CPXM2: variants seen among roughly 807,000 people sequenced by gnomAD.
CPXM2 encodes the protein inactive carboxypeptidase-like protein X2.
CPXM2 carries 66 observed loss-of-function variants against 86.1 expected under a neutral mutation model. The ratio of observed to expected loss-of-function variants is 0.77; its 90% CI spans 0.63 to 0.94. CPXM2 has a LOEUF of 0.94. Among genes scored for constraint, CPXM2 ranks in the 40% least tolerant of loss-of-function variants. The pLI, the probability that CPXM2 is intolerant of heterozygous loss-of-function variation, is 0.00. For missense variants in CPXM2, 948 were observed against 1,026.3 expected, an observed-to-expected ratio of 0.92 and a Z score of 1.04; for synonymous variants, 388 against 400.2, an observed-to-expected ratio of 0.97 and a Z score of 0.36.
chr10:123,833,259 T>C (rs1848205989), intron 4 of CPXM2, among the ~76,000 whole-genome samples: 1 of 152,134 alleles, frequency 6.6e-6, no homozygotes, highest in Non-Finnish European at 1.5e-5. Context: ...GCATAGGAGG[T>C]AACACAGGCA....
rs1398980589 is a variant in CPXM2 at position 123,746,953 on chromosome 10, T to G, written c.2082A>C (p.Glu694Asp). The G allele has an allele frequency of 1.2e-6, 2 of 1,614,194 alleles. No individual in the cohort carries two copies. The highest frequency in any genetic ancestry group is 1.7e-6 in the Non-Finnish European group (2 of 1,180,026). ...PGEYVVTAKA[E>D]GFTASTKNCM... ...AGTTCTTGGTGGATGCAGTGAAACC[T>G]TCGGCCTTTGCTGTGACCACATACT... The change falls in exon 14 of 14, where the codon GAA (glutamate) becomes GAC (aspartate). Residue 694 changes from glutamate to aspartate, a missense_variant. Glu to Asp is a conservative substitution (Grantham distance 45). Coordinates refer to ENST00000241305, the MANE Select transcript of CPXM2 (RefSeq NM_198148.3).
intron 6 of CPXM2, among the ~76,000 whole-genome samples, chr10:123,791,753 T>C (rs990217403): frequency 6.6e-6 from 1 of 152,238 alleles, no homozygotes; most frequent in Admixed American, 6.5e-5. Flanking sequence ...TGATTGATTA[T>C]ATCTACAAGG....
intron 3 of CPXM2, among the ~76,000 whole-genome samples, chr10:123,846,176 A>C (rs1000184229): frequency 6.6e-6 from 1 of 152,316 alleles, no homozygotes; most frequent in Non-Finnish European, 1.5e-5. Context: ...TGTATTGTGC[A>C]CTTTATTTCT....
chr10:123,841,313 G>T (rs1003032633), intron 4 of CPXM2, among the ~76,000 whole-genome samples: 3 of 152,086 alleles, frequency 2.0e-5, no homozygotes, highest in Admixed American at 1.3e-4. Context: ...GAGCCGCCGC[G>T]GTCGACAGGG....
chr10:123,919,357 A>G lies in CPXM2; in HGVS notation n.174+20120T>C, dbSNP rs145262397. On this transcript the variant is annotated intron_variant and non_coding_transcript_variant, in intron 2 of 19. Transcript: ENST00000368854. ...AACAGTGCCCATAGCATGATAACAT[A>G]ATATTCAAAAATATCCAGGATACAA... Among the ~76,000 whole-genome samples, 17 of 152,366 alleles carry G rather than the reference A, an allele frequency of 1.1e-4. No homozygotes were observed. In the East Asian group the frequency reaches 3.3e-3, roughly 29 times the overall value.
At chr10:123,881,224 C>A (rs1226461039) in intron 1 of CPXM2, among the ~76,000 whole-genome samples, 5 of 55,070 alleles carry the variant, frequency 9.1e-5, no homozygotes, top group African/African-American at 6.2e-4. Context: ...TCTCCTGGAG[C>A]ACCCTTCTCT....
chr10:123,770,366 A>C (rs958080689), intron 8 of CPXM2, among the ~76,000 whole-genome samples: 1 of 152,236 alleles, frequency 6.6e-6, no homozygotes, highest in African/African-American at 2.4e-5. Flanking sequence ...TGTTAAAGTA[A>C]ATCAGCCAAA....
At position 123,901,429 on chromosome 10, in the gene CPXM2, T is replaced by TTGTGTGTGTGTGTGTGTG. The variant is rs3069582; in HGVS notation, n.175-21138_175-21121dup. On this transcript the variant is annotated intron_variant and non_coding_transcript_variant, in intron 2 of 19. Coordinates refer to the CPXM2 transcript ENST00000368854. ...TTGTTTTCCTTCCATCCAAGCAAGTTTGTGTGTGTGTGTGTGTGTGTGTGT... is the reference window on the plus strand; with the variant it reads ...TTGTTTTCCTTCCATCCAAGCAAGTTTGTGTGTGTGTGTGTGTGTGTGTGTGTGTGTGTGTGTGTGTGT... 3.1e-3 allele frequency among the ~76,000 whole-genome samples: 430 copies of TTGTGTGTGTGTGTGTGTG among 139,028 alleles called. 2 individuals carry two copies. The highest frequency in any genetic ancestry group is 4.7e-3 in the African/African-American group (169 of 36,046). The allele number at this position is 139,028 out of a possible 152,430, so 91.2% of individuals were successfully genotyped here.
intron 4 of CPXM2, among the ~76,000 whole-genome samples, chr10:123,809,056 T>C (rs1318711057): frequency 6.6e-6 from 1 of 152,182 alleles, no homozygotes; most frequent in African/African-American, 2.4e-5. Flanking sequence ...TACATCATCC[T>C]GCTCAGGACG....
intron 7 of CPXM2, among the ~76,000 whole-genome samples, chr10:123,775,874 T>G (rs1217103039): frequency 6.6e-6 from 1 of 152,228 alleles, no homozygotes; most frequent in Non-Finnish European, 1.5e-5. Context: ...TCTGCTCTTC[T>G]GAGCAAGGCA....
chr10:123,898,130 G>A (rs1053929462), intron 2 of CPXM2, among the ~76,000 whole-genome samples: 15 of 152,208 alleles, frequency 9.9e-5, no homozygotes, highest in African/African-American at 3.4e-4. Context: ...ACTGAACTTG[G>A]TAGGATAGAG....
At chr10:123,831,037 G>C (rs911558713) in intron 4 of CPXM2, among the ~76,000 whole-genome samples, 4 of 152,072 alleles carry the variant, frequency 2.6e-5, no homozygotes, top group Non-Finnish European at 4.4e-5. Context: ...CTGTGGACTG[G>C]TTACCATGGC....
rs1945161642 is a variant in CPXM2 at position 123,885,244 on chromosome 10, T to G, written c.305-4935A>C. On this transcript the variant is annotated intron_variant, in intron 1 of 13. Transcript: ENST00000241305. The surrounding 1 kb of genome is among the most constrained non-coding windows in gnomAD (Gnocchi z 4.0). ...GTTGGGAGGGGAGATGCCTCTGAGC[T>G]GCCCCACTCCGGAGGCTGGGAGGCT... Among the ~76,000 whole-genome samples the G allele has an allele frequency of 6.6e-6, 1 of 152,076 alleles. No homozygotes were observed. The highest frequency in any genetic ancestry group is 6.5e-5 in the Admixed American group (1 of 15,272).
At chr10:123,843,771 TAAGC>T (rs1230912691) in intron 3 of CPXM2, among the ~76,000 whole-genome samples, 1 of 152,114 alleles carries the variant, frequency 6.6e-6, no homozygotes, top group East Asian at 1.9e-4. Flanking sequence ...CCAGCTAACA[TAAGC>T]GTTCTATCAG....
intron 2 of CPXM2, among the ~76,000 whole-genome samples, chr10:123,902,678 C>G (rs1198845923): frequency 3.3e-5 from 5 of 152,190 alleles, no homozygotes; most frequent in Non-Finnish European, 7.3e-5. Context: ...GGGCACTGAT[C>G]CCATTCATGC....
intron 7 of CPXM2, chr10:123,776,789 G>T (rs1846802026): frequency 6.6e-6 from 1 of 152,214 alleles, no homozygotes; most frequent in African/African-American, 2.4e-5. Flanking sequence ...GAAATGGGGA[G>T]AAAATGAAAA....
intron 2 of CPXM2, among the ~76,000 whole-genome samples, chr10:123,869,873 G>A (rs924210581): frequency 3.3e-5 from 5 of 152,156 alleles, no homozygotes; most frequent in Non-Finnish European, 7.3e-5. Flanking sequence ...GATCATGGAG[G>A]CCTTTGTGGC....
intron 7 of CPXM2, 63 bp downstream of exon 7, chr10:123,780,104 G>GACACATATGT (rs1846897245): frequency 5.8e-6 from 6 of 1,037,006 alleles, no homozygotes; most frequent in Admixed American, 1.7e-5. Context: ...AGTGCTTATG[G>GACACATATGT]ACACATAATA....
intron 2 of CPXM2, among the ~76,000 whole-genome samples, chr10:123,869,617 GC>G (rs1277387939): frequency 6.6e-6 from 1 of 152,122 alleles, no homozygotes; most frequent in East Asian, 1.9e-4. Flanking sequence ...CCATCTCCCA[GC>G]CCCATGCTCT....
Sources: allele counts gnomAD v4.1 joint callset (sites outside exome capture counted in the v4.1 genomes callset), GRCh38; gene constraint gnomAD v4.1.1; non-coding constraint Gnocchi (gnomAD v3.1); transcripts MANE v1.5; gene names NCBI Gene and HGNC (gene_info 2026-07-23, HGNC 2026-07-21).